The following PLXDC2 variants were observed in gnomAD, a reference collection of about 807,000 sequenced individuals.
The protein encoded by PLXDC2 is plexin domain-containing protein 2.
In PLXDC2, 40 loss-of-function variants were observed where a neutral mutation model predicts 68.9. That is an observed-to-expected ratio of 0.58 (90% CI 0.45 to 0.76). The LOEUF is 0.76. Among genes scored for constraint, PLXDC2 ranks in the 30% least tolerant of loss-of-function variants. PLXDC2 has a pLI of 0.00. For missense variants in PLXDC2, 644 were observed against 661.9 expected, an observed-to-expected ratio of 0.97 and a Z score of 0.30; for synonymous variants, 243 against 234.2, an observed-to-expected ratio of 1.04 and a Z score of -0.34.
At chr10:20,152,534 T>C (rs1834165371) in intron 6 of PLXDC2, among the ~76,000 whole-genome samples, 1 of 152,108 alleles carries the variant, frequency 6.6e-6, no homozygotes. Flanking sequence ...CAAAATACAA[T>C]AAGAATAATA....
At chr10:19,985,474 A>T (rs1250980872) in intron 1 of PLXDC2, among the ~76,000 whole-genome samples, 2 of 152,184 alleles carry the variant, frequency 1.3e-5, no homozygotes, top group Non-Finnish European at 2.9e-5. Flanking sequence ...GAAGTTGCTG[A>T]TGATGTGGAA....
chr10:19,982,255 A>G (rs1252451988), intron 1 of PLXDC2, among the ~76,000 whole-genome samples: 1 of 152,248 alleles, frequency 6.6e-6, no homozygotes, highest in East Asian at 1.9e-4. Context: ...AACATGTCAC[A>G]TGACTAATTT....
At chr10:20,034,106 A>G (rs751987581) in intron 2 of PLXDC2, among the ~76,000 whole-genome samples, 1 of 152,204 alleles carries the variant, frequency 6.6e-6, no homozygotes, top group African/African-American at 2.4e-5. Context: ...AGGTTTAGCT[A>G]TACATTGTTT....
chr10:19,889,901 G>A (rs1234507236), intron 1 of PLXDC2, among the ~76,000 whole-genome samples: 5 of 152,180 alleles, frequency 3.3e-5, no homozygotes, highest in South Asian at 4.1e-4. Context: ...AATACTACGG[G>A]GTTGTTGGTT....
At chr10:19,873,327 A>G (rs1286882185) in intron 1 of PLXDC2, among the ~76,000 whole-genome samples, 1 of 149,922 alleles carries the variant, frequency 6.7e-6, no homozygotes, top group East Asian at 2.0e-4. Context: ...TTTGTGGATT[A>G]TGGTTTTAGA....
At chr10:19,936,467 C>T (rs542741372) in intron 1 of PLXDC2, among the ~76,000 whole-genome samples, 15 of 152,304 alleles carry the variant, frequency 9.8e-5, no homozygotes, top group African/African-American at 3.4e-4. Flanking sequence ...ATGGGCATGG[C>T]TGTGTTCCAA....
At chr10:20,121,264 T>C (rs1268306865) in intron 4 of PLXDC2, among the ~76,000 whole-genome samples, 2 of 152,262 alleles carry the variant, frequency 1.3e-5, no homozygotes, top group South Asian at 2.1e-4. Context: ...CACGGAGACA[T>C]GATGGCTAGG....
intron 1 of PLXDC2, among the ~76,000 whole-genome samples, chr10:19,829,416 G>A (rs1402266915): frequency 6.6e-6 from 1 of 152,088 alleles, no homozygotes; most frequent in Non-Finnish European, 1.5e-5. Flanking sequence ...CATGCAAAGA[G>A]TTTTGTTGAT....
chr10:20,008,583 G>A (rs776228170), intron 2 of PLXDC2, among the ~76,000 whole-genome samples: 4 of 152,084 alleles, frequency 2.6e-5, no homozygotes, highest in Non-Finnish European at 5.9e-5. Context: ...ATGTGATTGT[G>A]TTGATGATGA....
rs1834263449 is a variant in PLXDC2 at position 19,966,443 on chromosome 10, T to TATATATGTGCACATATATAA, written c.113-35331_113-35330insTATATGTGCACATATATAAA. Among the ~76,000 whole-genome samples the TATATATGTGCACATATATAA allele has an allele frequency of 6.2e-4, 6 of 9,678 alleles. No homozygotes were observed. The South Asian group carries it at 0.011, about 17-fold the overall frequency. The allele number at this position is 9,678 out of a possible 152,430, so 6.3% of individuals were successfully genotyped here. A position where few individuals can be genotyped will look rare whatever the true frequency, so the allele number is the denominator to read the frequency against. On this transcript the variant is annotated intron_variant, in intron 1 of 13. Coordinates refer to ENST00000377252, the MANE Select transcript of PLXDC2 (RefSeq NM_032812.9). ...AAAAATATATATGTGCACATATATA[T>TATATATGTGCACATATATAA]AAAACATGTGTGTATATGTACACAC...
At chr10:19,995,578 T>G (rs964243769) in intron 1 of PLXDC2, among the ~76,000 whole-genome samples, 5 of 152,234 alleles carry the variant, frequency 3.3e-5, no homozygotes, top group African/African-American at 1.2e-4. Context: ...TGTGAGCCAC[T>G]TTTATCAGTT....
chr10:19,868,845 A>G (rs1455755471), intron 1 of PLXDC2, among the ~76,000 whole-genome samples: 1 of 152,246 alleles, frequency 6.6e-6, no homozygotes, highest in African/African-American at 2.4e-5. Context: ...AAGATGAAGC[A>G]TATTTGTGGT....
At chr10:20,126,818 A>ACACG (rs1564325380) in intron 4 of PLXDC2, among the ~76,000 whole-genome samples, 2 of 136,872 alleles carry the variant, frequency 1.5e-5, no homozygotes, top group Non-Finnish European at 3.2e-5. Context: ...TATATATAAC[A>ACACG]TATATGTGTA....
chr10:20,055,395 A>G (rs115819350), intron 3 of PLXDC2, among the ~76,000 whole-genome samples: 2,151 of 152,148 alleles, frequency 0.014, 55 homozygotes, highest in African/African-American at 0.049. Flanking sequence ...TTGGTTTTTC[A>G]TATTGGATAT....
chr10:19,960,088 C>A (rs954156207), intron 1 of PLXDC2, among the ~76,000 whole-genome samples: 1 of 150,284 alleles, frequency 6.7e-6, no homozygotes, highest in Non-Finnish European at 1.5e-5. Flanking sequence ...CCAGGCAAGA[C>A]GGCTCATGCC....
chr10:20,137,660 A>G (rs1313898639), intron 4 of PLXDC2, among the ~76,000 whole-genome samples: 4 of 152,216 alleles, frequency 2.6e-5, no homozygotes, highest in Non-Finnish European at 5.9e-5. Flanking sequence ...ATAAAATCCA[A>G]TGAGGGAGAG....
chr10:20,157,058 T>C (rs908757947), intron 6 of PLXDC2, among the ~76,000 whole-genome samples: 2 of 152,222 alleles, frequency 1.3e-5, no homozygotes, highest in Non-Finnish European at 2.9e-5. Flanking sequence ...TAGCTTGTGC[T>C]ACAGGTTGTT....
chr10:20,038,587 A>G (rs913833672), intron 2 of PLXDC2, among the ~76,000 whole-genome samples: 9 of 152,200 alleles, frequency 5.9e-5, no homozygotes, highest in Middle Eastern at 3.2e-3. Context: ...ATTCAAAGCT[A>G]ATATGTGATT....
Position 20,283,964 on chromosome 10 carries a change from A to G in PLXDC2, c.*4145A>G, listed in dbSNP as rs1018632318. 1 of 152,184 alleles carries G rather than the reference A, an allele frequency of 6.6e-6. No homozygotes were observed. Among genetic ancestry groups the G allele is most frequent in the African/African-American group, 2.4e-5 (1 of 41,444 alleles). The allele number at this position is 152,184 out of a possible 1,614,324, so 9.4% of individuals were successfully genotyped here. A position where few individuals can be genotyped will look rare whatever the true frequency, so the allele number is the denominator to read the frequency against. On this transcript the variant is annotated 3_prime_UTR_variant, in exon 14 of 14. Coordinates refer to ENST00000377252, the MANE Select transcript of PLXDC2 (RefSeq NM_032812.9). ...GTATCATTTATCAGTTTTTCGCAAC[A>G]GATTCTTATGTTACATCTTCATGAG...
Sources: allele counts gnomAD v4.1 joint callset (sites outside exome capture counted in the v4.1 genomes callset), GRCh38; gene constraint gnomAD v4.1.1; transcripts MANE v1.5; gene names NCBI Gene and HGNC (gene_info 2026-07-23, HGNC 2026-07-21).